FYN: variants seen among roughly 807,000 people sequenced by gnomAD.
FYN encodes tyrosine-protein kinase Fyn.
In FYN, 10 loss-of-function variants were observed where a neutral mutation model predicts 70.2. The ratio of observed to expected loss-of-function variants is 0.14; its 90% CI spans 0.09 to 0.24. The LOEUF (loss-of-function observed/expected upper bound fraction) is 0.24. FYN is among the 10% of genes least tolerant of loss of function. The probability of loss-of-function intolerance (pLI) is 1.00; values close to 1 mark genes in which losing one functional copy is unlikely to be tolerated. For missense variants in FYN, 319 were observed against 673.1 expected, an observed-to-expected ratio of 0.47 and a Z score of 5.82; for synonymous variants, 236 against 248.6, an observed-to-expected ratio of 0.95 and a Z score of 0.48.
intron 2 of FYN, among the ~76,000 whole-genome samples, chr6:111,846,189 AAAC>A (rs1773522504): frequency 2.6e-5 from 4 of 152,200 alleles, no homozygotes; most frequent in Admixed American, 2.6e-4. Flanking sequence ...AGTGGAGGAA[AAAC>A]AACAATGAAT....
At chr6:111,868,034 G>A (rs1774164428) in intron 1 of FYN, among the ~76,000 whole-genome samples, 1 of 151,976 alleles carries the variant, frequency 6.6e-6, no homozygotes, top group South Asian at 2.1e-4. Flanking sequence ...GGGACAGGGA[G>A]CTTCCCACAA....
chr6:111,823,458 C>T (rs530138250), intron 2 of FYN, among the ~76,000 whole-genome samples: 125 of 152,290 alleles, frequency 8.2e-4, no homozygotes, highest in South Asian at 1.9e-3. Flanking sequence ...TCAAGCGTTA[C>T]GGCTTTCTGT....
chr6:111,789,202 G>T (rs1456533290), intron 2 of FYN, among the ~76,000 whole-genome samples: 1 of 152,232 alleles, frequency 6.6e-6, no homozygotes, highest in Non-Finnish European at 1.5e-5. Context: ...GAGGGGATCA[G>T]AGGCTCACTG....
At chr6:111,737,909 A>G (rs1265630618) in intron 3 of FYN, among the ~76,000 whole-genome samples, 1 of 152,196 alleles carries the variant, frequency 6.6e-6, no homozygotes, top group Non-Finnish European at 1.5e-5. Flanking sequence ...CTTAATTTTG[A>G]CTATTTTCCC....
chr6:111,812,484 GA>G (rs1021204684), intron 2 of FYN, among the ~76,000 whole-genome samples: 9 of 150,386 alleles, frequency 6.0e-5, no homozygotes, highest in Admixed American at 4.0e-4. Flanking sequence ...ACTGTGTGAA[GA>G]AAAAAAGTTT....
At chr6:111,781,749 T>C (rs1771181981) in intron 2 of FYN, among the ~76,000 whole-genome samples, 1 of 152,186 alleles carries the variant, frequency 6.6e-6, no homozygotes, top group African/African-American at 2.4e-5. Context: ...TGTTTACAAA[T>C]GCTTGAAACT....
chr6:111,814,069 C>A (rs1430135369), intron 2 of FYN: 1 of 152,230 alleles, frequency 6.6e-6, no homozygotes, highest in Non-Finnish European at 1.5e-5. Context: ...TGTGTCCCAG[C>A]GCCAGAGTGC....
At chr6:111,861,012 C>A (rs1005908562) in intron 1 of FYN, among the ~76,000 whole-genome samples, 1 of 152,174 alleles carries the variant, frequency 6.6e-6, no homozygotes, top group Non-Finnish European at 1.5e-5. Flanking sequence ...AAGGGGGAAT[C>A]TAAAACATGC....
At chr6:111,730,325 T>C (rs1326405911) in intron 3 of FYN, among the ~76,000 whole-genome samples, 1 of 151,984 alleles carries the variant, frequency 6.6e-6, no homozygotes, top group Admixed American at 6.6e-5. Context: ...AAAAGCAGGG[T>C]GGCTGGATTA....
At chr6:111,740,067 C>A (rs1042744163) in intron 3 of FYN, among the ~76,000 whole-genome samples, 2 of 117,832 alleles carry the variant, frequency 1.7e-5, no homozygotes, top group South Asian at 3.2e-4. Context: ...TGTGATCCAC[C>A]CACTCGGTCT....
chr6:111,683,381 G>GAGCTGAA (rs1798855904), intron 12 of FYN, among the ~76,000 whole-genome samples: 1 of 152,228 alleles, frequency 6.6e-6, no homozygotes, highest in South Asian at 2.1e-4. Flanking sequence ...CATCTCCGGA[G>GAGCTGAA]AGCTGAACTG....
At chr6:111,761,146 G>A (rs916626182) in intron 3 of FYN, among the ~76,000 whole-genome samples, 2 of 152,204 alleles carry the variant, frequency 1.3e-5, no homozygotes, top group Non-Finnish European at 2.9e-5. Context: ...ACATAATACA[G>A]AAAAAGGACA....
At chr6:111,684,930 A>G (rs1798931756) in intron 12 of FYN, among the ~76,000 whole-genome samples, 2 of 152,328 alleles carry the variant, frequency 1.3e-5, no homozygotes, top group African/African-American at 4.8e-5. Flanking sequence ...GCTCTGAATA[A>G]TTCCAATTAT....
chr6:111,795,484 C>T (rs1771774712), intron 2 of FYN, among the ~76,000 whole-genome samples: 1 of 152,116 alleles, frequency 6.6e-6, no homozygotes, highest in Non-Finnish European at 1.5e-5. Flanking sequence ...TTATGGCAGC[C>T]ATAGCAAATT....
chr6:111,682,713 G>C (rs1798828784), intron 12 of FYN, among the ~76,000 whole-genome samples: 1 of 152,182 alleles, frequency 6.6e-6, no homozygotes, highest in Non-Finnish European at 1.5e-5. Context: ...TAGGAAAGGA[G>C]CTTCCGAGTC....
chr6:111,849,007 T>C (rs1449624477), intron 1 of FYN, among the ~76,000 whole-genome samples: 1 of 152,194 alleles, frequency 6.6e-6, no homozygotes, highest in Non-Finnish European at 1.5e-5. Flanking sequence ...CGTGTGTGTG[T>C]GCATGTGCGT....
chr6:111,691,409 C>T (rs1229330314), intron 12 of FYN, among the ~76,000 whole-genome samples: 2 of 152,188 alleles, frequency 1.3e-5, no homozygotes, highest in Non-Finnish European at 1.5e-5. Context: ...TTCCGAATGC[C>T]GCCTGCATTC....
intron 6 of FYN, 65 bp from the exon 7 acceptor site, chr6:111,704,167 G>A (rs1421351855): frequency 7.9e-6 from 11 of 1,386,698 alleles, no homozygotes; most frequent in South Asian, 1.2e-5. Context: ...AACAGCATAG[G>A]CTTTTTTTTT....
intron 2 of FYN, among the ~76,000 whole-genome samples, chr6:111,798,054 G>A (rs933004745): frequency 6.6e-6 from 1 of 152,046 alleles, no homozygotes; most frequent in Non-Finnish European, 1.5e-5. Context: ...TTGAGTCACC[G>A]TGCCCGACCC....
Sources: gnomAD v4.1 joint callset for allele counts (sites outside exome capture counted in the v4.1 genomes callset) on GRCh38, gnomAD v4.1.1 for gene constraint, MANE v1.5 for transcripts, NCBI Gene and HGNC (gene_info 2026-07-23, HGNC 2026-07-21) for gene names.